The following SKOR2 variants were observed in gnomAD, a reference collection of about 807,000 sequenced individuals.
SKOR2 encodes the protein LBX1 corepressor 1-like protein.
A neutral mutation model predicts 69.1 loss-of-function variants in SKOR2; 47 were observed. That is an observed-to-expected ratio of 0.68 (90% CI 0.54 to 0.87). The LOEUF (loss-of-function observed/expected upper bound fraction) is 0.87, where lower values mean the gene tolerates loss of function less well. Among genes scored for constraint, SKOR2 ranks in the 40% least tolerant of loss-of-function variants. SKOR2 has a pLI of 0.00. For synonymous variants in SKOR2, 717 were observed against 672.6 expected (o/e 1.07, Z -1.02); for missense variants, 1,404 against 1,472.2 (o/e 0.95, Z 0.76).
intron 4 of SKOR2, among the ~76,000 whole-genome samples, chr18:47,243,278 C>T (rs964719618): frequency 6.6e-6 from 1 of 152,166 alleles, no homozygotes; most frequent in East Asian, 1.9e-4. Flanking sequence ...CTGTGGTTTC[C>T]AGGCATGGGA....
At chr18:47,210,096 C>A (rs182275603) in intron 8 of SKOR2, among the ~76,000 whole-genome samples, 79 of 152,110 alleles carry the variant, frequency 5.2e-4, no homozygotes, top group African/African-American at 1.8e-3. Flanking sequence ...ACAACAAAAA[C>A]CCCATTCTAA....
chr18:47,236,171 T>G (rs2064222713), intron 4 of SKOR2, among the ~76,000 whole-genome samples: 1 of 152,124 alleles, frequency 6.6e-6, no homozygotes, highest in Non-Finnish European at 1.5e-5. Context: ...GTATTTTTTT[T>G]GTAGAGACGG....
At chr18:47,232,335 T>C (rs2064203070) in intron 4 of SKOR2, among the ~76,000 whole-genome samples, 2 of 152,180 alleles carry the variant, frequency 1.3e-5, no homozygotes, top group Non-Finnish European at 2.9e-5. Flanking sequence ...CTGACTAGGA[T>C]GGCAAGTTAA....
chr18:47,239,547 T>C (rs1184199498), intron 4 of SKOR2, among the ~76,000 whole-genome samples: 1 of 152,236 alleles, frequency 6.6e-6, no homozygotes, highest in Admixed American at 6.5e-5. Flanking sequence ...CTTGAATCAG[T>C]AAATTAAATA....
At chr18:47,251,121 T>TTTTTTTTTTG (rs2064310676) in intron 1 of SKOR2, among the ~76,000 whole-genome samples, 1 of 69,282 alleles carries the variant, frequency 1.4e-5, no homozygotes. Context: ...CATTATTTTT[T>TTTTTTTTTTG]GGGTGGGTGG....
intron 6 of SKOR2, among the ~76,000 whole-genome samples, chr18:47,223,659 A>G (rs1438313441): frequency 3.3e-5 from 5 of 152,178 alleles, no homozygotes; most frequent in African/African-American, 1.2e-4. Context: ...AAAGGAAGTA[A>G]AAAATGTTGT....
chr18:47,222,457 T>C (rs560827997), intron 6 of SKOR2, among the ~76,000 whole-genome samples: 1 of 152,136 alleles, frequency 6.6e-6, no homozygotes, highest in Non-Finnish European at 1.5e-5. Context: ...AAAGGTACCA[T>C]GTGAGGAGCT....
At position 47,230,475 on chromosome 18, in the gene SKOR2, T is replaced by C. The variant is rs955018170; in HGVS notation, c.2901A>G (p.Thr967=). 2.8e-6 allele frequency: 4 copies of C among 1,444,520 alleles called. No individual in the cohort carries two copies. The highest frequency in any genetic ancestry group is 3.6e-6 in the Non-Finnish European group (4 of 1,106,416). 89.5% of individuals were successfully genotyped at this position (1,444,520 alleles called of 1,614,324 possible). A position where few individuals can be genotyped will look rare whatever the true frequency, so the allele number is the denominator to read the frequency against. ...EQEFQVLKGN[T]SFPVFNNFQD... is the part of the protein sequence containing the mutation. ...ATTTCTTACTGAATACTGGGAAAGA[T>C]GTGTTTCCTTTTAACACCTGGAATT... Residue 967 remains threonine, a synonymous_variant, in exon 6 of 9, where the codon ACA becomes ACG. Transcript: ENST00000425639.
At chr18:47,217,464 C>T (rs1172653603) in intron 7 of SKOR2, among the ~76,000 whole-genome samples, 2 of 152,064 alleles carry the variant, frequency 1.3e-5, no homozygotes, top group African/African-American at 4.8e-5. Context: ...CAGAAGCTCC[C>T]CAAAATTTGC....
Position 47,247,843 on chromosome 18 carries a change from C to G in SKOR2, c.1341G>C (p.Lys447Asn), listed in dbSNP as rs1475036510. 7.3e-7 allele frequency: 1 copy of G among 1,367,366 alleles called. No individual in the cohort carries two copies. Among genetic ancestry groups the G allele is most frequent in the Non-Finnish European group, 9.3e-7 (1 of 1,070,412 alleles). The allele number at this position is 1,367,366 out of a possible 1,614,324, so 84.7% of individuals were successfully genotyped here. The change falls in exon 2 of 9, where the codon AAG becomes AAC. Residue 447 changes from lysine (K) to asparagine (N), a missense_variant. Lys to Asn is a moderately conservative substitution (Grantham distance 94). Around this residue, in one of 3 missense-constraint regions of SKOR2, gnomAD observed 1,266 missense variants for 1,309.9 expected, o/e 0.97. Coordinates refer to ENST00000425639, the MANE Select transcript of SKOR2 (RefSeq NM_001278063.4). The surrounding 1 kb of genome is among the most constrained non-coding windows in gnomAD (Gnocchi z 6.6). ...GCCAGAAGAGGCCGGACAAGCCGGCCTTGGGCGCCGCGCCCGCGCCGCCTG... is the reference window on the plus strand; with the variant it reads ...GCCAGAAGAGGCCGGACAAGCCGGCGTTGGGCGCCGCGCCCGCGCCGCCTG... ...AGAGGAGAAPKAGLSGLFWPA... is the reference protein window; with the variant it reads ...AGAGGAGAAPNAGLSGLFWPA...
chr18:47,217,833 C>T (rs1421967033), intron 7 of SKOR2, among the ~76,000 whole-genome samples: 1 of 145,340 alleles, frequency 6.9e-6, no homozygotes, highest in African/African-American at 2.6e-5. Flanking sequence ...TTATATGATA[C>T]CTACAAGGGC....
chr18:47,244,534 T>C (rs2064262715), intron 4 of SKOR2, among the ~76,000 whole-genome samples: 1 of 152,204 alleles, frequency 6.6e-6, no homozygotes, highest in Non-Finnish European at 1.5e-5. Context: ...ATGGAGATAA[T>C]ATAAATGTTG....
chr18:47,247,650 C>G lies in SKOR2; in HGVS notation c.1534G>C (p.Asp512His). The change falls in exon 2 of 9, where the codon GAC (aspartate) becomes CAC (histidine). Residue 512 changes from aspartate to histidine, a missense_variant. Coordinates refer to ENST00000425639, the MANE Select transcript of SKOR2 (RefSeq NM_001278063.4). The surrounding 1 kb of genome is among the most constrained non-coding windows in gnomAD (Gnocchi z 6.6). The stretch of plus-strand genomic sequence containing the variant: ...GCAGCACCGCCTGGCTCAGCCAGGT[C>G]CAGGAAGGCCTGGCGCAGCAGGGCC... ...SPALLRQAFL[D>H]LAEPGGAAGS... 2 of 1,362,780 alleles carry G rather than the reference C, an allele frequency of 1.5e-6. No individual in the cohort carries two copies. Among genetic ancestry groups the G allele is most frequent in the Non-Finnish European group, 1.9e-6 (2 of 1,061,514 alleles). 84.4% of individuals were successfully genotyped at this position (1,362,780 alleles called of 1,614,324 possible). A position where few individuals can be genotyped will look rare whatever the true frequency, so the allele number is the denominator to read the frequency against.
chr18:47,208,025 A>T (rs1246419595), intron 8 of SKOR2, among the ~76,000 whole-genome samples: 1 of 152,308 alleles, frequency 6.6e-6, no homozygotes, highest in South Asian at 2.1e-4. Flanking sequence ...GGCACACAAA[A>T]GTGACAGCCA....
chr18:47,214,786 C>T (rs1197433632), intron 7 of SKOR2, among the ~76,000 whole-genome samples: 1 of 151,928 alleles, frequency 6.6e-6, no homozygotes, highest in East Asian at 1.9e-4. Flanking sequence ...GCAAATTCTC[C>T]CCAACTTGGA....
chr18:47,246,969 C>T lies in SKOR2; in HGVS notation c.2215G>A (p.Glu739Lys). Residue 739 changes from glutamate to lysine, a missense_variant, in exon 2 of 9, where the codon GAA (glutamate) becomes AAA (lysine). Around this residue, in one of 3 missense-constraint regions of SKOR2, gnomAD observed 1,266 missense variants for 1,309.9 expected, o/e 0.97. Transcript: ENST00000425639. Reference sequence around the variant, plus strand: ...TCCACGTCCACCTCCTGCTCTTCTTCCTCGTCGTCCTCGTCCTCGGAGCTG... The same window carrying T: ...TCCACGTCCACCTCCTGCTCTTCTTTCTCGTCGTCCTCGTCCTCGGAGCTG... Reference protein sequence around the residue: ...EDSSEDEDDEEEEQEVDVEGH... With the variant: ...EDSSEDEDDEKEEQEVDVEGH... The T allele has an allele frequency of 6.7e-7, 1 of 1,497,838 alleles. No homozygotes were observed. The highest frequency in any genetic ancestry group is 8.8e-7 in the Non-Finnish European group (1 of 1,130,122). 92.8% of individuals were successfully genotyped at this position (1,497,838 alleles called of 1,614,324 possible).
chr18:47,250,542 G>A (rs1301748055), intron 1 of SKOR2, among the ~76,000 whole-genome samples: 2 of 152,176 alleles, frequency 1.3e-5, no homozygotes, highest in African/African-American at 4.8e-5. Context: ...GCCCCTTTCG[G>A]CCACGTACAG....
chr18:47,223,549 T>C (rs1278033750), intron 6 of SKOR2, among the ~76,000 whole-genome samples: 1 of 152,314 alleles, frequency 6.6e-6, no homozygotes, highest in East Asian at 1.9e-4. Context: ...TACAAGGGTG[T>C]CCATTATCTA....
At chr18:47,249,324 C>T (rs2064302903) in intron 1 of SKOR2, 94 bp from the exon 2 acceptor site, 2 of 1,199,612 alleles carry the variant, frequency 1.7e-6, no homozygotes, top group Admixed American at 2.9e-5. Context: ...GAATAACTTT[C>T]TTGCTTTGGT....
Sources: gnomAD v4.1 joint callset for allele counts (sites outside exome capture counted in the v4.1 genomes callset) on GRCh38, gnomAD v4.1.1 for gene constraint, gnomAD v4.1.1 regional missense constraint, Gnocchi (gnomAD v3.1) non-coding constraint, MANE v1.5 for transcripts, NCBI Gene and HGNC (gene_info 2026-07-23, HGNC 2026-07-21) for gene names.